Variants in BMERB1 observed in about 807,000 individuals in gnomAD.
BMERB1 encodes the protein bMERB domain-containing protein 1.
In BMERB1, 12 loss-of-function variants were observed where a neutral mutation model predicts 23.6. The ratio of observed to expected loss-of-function variants is 0.51; its 90% CI spans 0.33 to 0.82. BMERB1 has a LOEUF of 0.82. Among genes scored for constraint, BMERB1 ranks in the 40% least tolerant of loss-of-function variants. The pLI is 0.03. For synonymous variants in BMERB1, 122 were observed against 96.6 expected, an observed-to-expected ratio of 1.26 and a Z score of -1.54; for missense variants, 247 against 255.4, an observed-to-expected ratio of 0.97 and a Z score of 0.22.
At chr16:15,480,770 C>A (rs1382546073) in intron 1 of BMERB1, among the ~76,000 whole-genome samples, 1 of 151,906 alleles carries the variant, frequency 6.6e-6, no homozygotes, top group African/African-American at 2.4e-5. Flanking sequence ...TGCACCACCA[C>A]ACCGAGCTAA....
intron 3 of BMERB1, among the ~76,000 whole-genome samples, chr16:15,579,240 T>C (rs1484922115): frequency 6.6e-6 from 1 of 152,168 alleles, no homozygotes; most frequent in Non-Finnish European, 1.5e-5. Flanking sequence ...GCAGGGGTCC[T>C]GGTGAGTCGA....
At chr16:15,509,786 GT>G (rs1400790560) in intron 1 of BMERB1, among the ~76,000 whole-genome samples, 1 of 152,188 alleles carries the variant, frequency 6.6e-6, no homozygotes. Context: ...ATTCATTCTT[GT>G]GGGTTTGTGG....
intron 1 of BMERB1, among the ~76,000 whole-genome samples, chr16:15,461,873 A>G (rs971038353): frequency 6.6e-6 from 1 of 151,968 alleles, no homozygotes; most frequent in Non-Finnish European, 1.5e-5. Context: ...GGTTAAGGCT[A>G]TAGTGAGCTG....
intron 1 of BMERB1, among the ~76,000 whole-genome samples, chr16:15,512,037 A>AAAAAAAAAAAAG (rs2051673664): frequency 6.7e-6 from 1 of 149,272 alleles, no homozygotes; most frequent in Non-Finnish European, 1.5e-5. Flanking sequence ...AAAAAAAAAA[A>AAAAAAAAAAAAG]AGGGGGAATT....
chr16:15,538,642 G>A (rs1009132625), intron 2 of BMERB1, among the ~76,000 whole-genome samples: 1 of 152,178 alleles, frequency 6.6e-6, no homozygotes, highest in Non-Finnish European at 1.5e-5. Context: ...CTGGACTGAA[G>A]CATAGTCCAG....
intron 2 of BMERB1, among the ~76,000 whole-genome samples, chr16:15,548,046 A>G (rs2029976933): frequency 6.6e-6 from 1 of 152,166 alleles, no homozygotes; most frequent in South Asian, 2.1e-4. Flanking sequence ...GCGCAGTGGC[A>G]TGATCTTGGT....
chr16:15,524,617 A>T (rs951021422), intron 2 of BMERB1, among the ~76,000 whole-genome samples: 1 of 152,090 alleles, frequency 6.6e-6, no homozygotes, highest in African/African-American at 2.4e-5. Flanking sequence ...AAAATACAAA[A>T]AAATTAGCTA....
rs148312509 is a variant in BMERB1, at chr16:15,492,902, A to C, written c.107-22403A>C. Among the ~76,000 whole-genome samples the C allele has an allele frequency of 1.5e-3, 228 of 148,962 alleles. 2 individuals are homozygous for C. Among genetic ancestry groups the C allele is most frequent in the African/African-American group, 5.4e-3 (218 of 40,484 alleles). ...CCACTGCACTCCAGCCTGAGTGACAATATGAGATTCCATCTCAAAAAAAAA... is the reference window on the plus strand; with the variant it reads ...CCACTGCACTCCAGCCTGAGTGACACTATGAGATTCCATCTCAAAAAAAAA... On this transcript the variant is annotated intron_variant, in intron 1 of 5. Transcript: ENST00000300006.
intron 1 of BMERB1, among the ~76,000 whole-genome samples, chr16:15,474,360 A>T (rs1776215985): frequency 6.6e-6 from 1 of 151,986 alleles, no homozygotes; most frequent in South Asian, 2.1e-4. Context: ...AGGAATACAA[A>T]TTAATTTTTA....
intron 1 of BMERB1, among the ~76,000 whole-genome samples, chr16:15,453,103 C>T (rs2051055617): frequency 2.0e-5 from 3 of 151,840 alleles, no homozygotes; most frequent in South Asian, 2.1e-4. Flanking sequence ...ATCCGGGAGA[C>T]GGAGGTTGCA....
chr16:15,562,009 C>T (rs941894807), intron 2 of BMERB1, among the ~76,000 whole-genome samples: 1 of 152,012 alleles, frequency 6.6e-6, no homozygotes, highest in African/African-American at 2.4e-5. Flanking sequence ...TGCCATTATT[C>T]CTATTTAAAA....
intron 1 of BMERB1, among the ~76,000 whole-genome samples, chr16:15,462,030 A>T (rs1036575054): frequency 4.0e-5 from 6 of 151,480 alleles, no homozygotes; most frequent in Non-Finnish European, 8.8e-5. Context: ...GATAAACAAC[A>T]TATATGATTT....
chr16:15,566,122 G>T (rs193151961), intron 2 of BMERB1, among the ~76,000 whole-genome samples: 60 of 152,272 alleles, frequency 3.9e-4, no homozygotes, highest in African/African-American at 1.3e-3. Context: ...GCACAATCCC[G>T]ATGAATCTCA....
At chr16:15,534,286 CAAAAAAAA>C (rs1168488547) in intron 2 of BMERB1, among the ~76,000 whole-genome samples, 3 of 41,958 alleles carry the variant, frequency 7.2e-5, no homozygotes, top group Admixed American at 3.9e-4. Context: ...TTTTTAATTG[CAAAAAAAA>C]AAAAAAAAAA....
chr16:15,514,529 C>T (rs561295036), intron 1 of BMERB1, among the ~76,000 whole-genome samples: 2 of 152,164 alleles, frequency 1.3e-5, no homozygotes, highest in East Asian at 1.9e-4. Flanking sequence ...GGTGGCCTCA[C>T]GACTGTAATC....
At chr16:15,506,026 A>T (rs954352404) in intron 1 of BMERB1, among the ~76,000 whole-genome samples, 7 of 152,140 alleles carry the variant, frequency 4.6e-5, no homozygotes, top group African/African-American at 1.7e-4. Flanking sequence ...ACCTTAGAGC[A>T]TGGGCATTGG....
chr16:15,475,310 C>T (rs2051265590), intron 1 of BMERB1, among the ~76,000 whole-genome samples: 1 of 152,166 alleles, frequency 6.6e-6, no homozygotes. Flanking sequence ...ACTAGCCTTG[C>T]ACAAAGTCAG....
intron 1 of BMERB1, among the ~76,000 whole-genome samples, chr16:15,503,625 G>C (rs1236549290): frequency 6.6e-6 from 1 of 151,992 alleles, no homozygotes; most frequent in Non-Finnish European, 1.5e-5. Context: ...GTGTCCAAAG[G>C]GAGGCCTGGA....
chr16:15,499,491 G>A (rs1292905926), intron 1 of BMERB1, among the ~76,000 whole-genome samples: 1 of 152,096 alleles, frequency 6.6e-6, no homozygotes, highest in East Asian at 1.9e-4. Context: ...GGACCTCTTA[G>A]ATCTTGGACT....
Sources: allele counts gnomAD v4.1 joint callset (sites outside exome capture counted in the v4.1 genomes callset), GRCh38; gene constraint gnomAD v4.1.1; transcripts MANE v1.5; gene names NCBI Gene and HGNC (gene_info 2026-07-23, HGNC 2026-07-21).